The following DNAH14 variants were observed in gnomAD, a reference collection of about 807,000 sequenced individuals.
DNAH14 encodes axonemal beta dynein heavy chain 14.
In DNAH14, 478 loss-of-function variants were observed where a neutral mutation model predicts 520.9. The ratio of observed to expected loss-of-function variants is 0.92; its 90% CI spans 0.85 to 0.99. The LOEUF is 0.99. Among genes scored for constraint, DNAH14 ranks in the 50% least tolerant of loss-of-function variants. DNAH14 has a pLI of 0.00. For missense variants in DNAH14, 4,831 were observed against 5,234.5 expected (o/e 0.92, Z 2.38); for synonymous variants, 1,581 against 1,757.2 (o/e 0.90, Z 2.51).
chr1:225,199,476 G>C (rs899987535), intron 38 of DNAH14, among the ~76,000 whole-genome samples: 1 of 151,980 alleles, frequency 6.6e-6, no homozygotes, highest in Non-Finnish European at 1.5e-5. Context: ...AGTGTTTAGG[G>C]CTATGAACTT....
intron 1 of DNAH14, 76 bp downstream of exon 1, chr1:224,929,911 C>A: frequency 1.7e-6 from 1 of 591,734 alleles, no homozygotes; most frequent in South Asian, 2.0e-5. Context: ...CAGCCGGTGT[C>A]GCACTGGGAG....
At chr1:225,185,523 T>C in intron 37 of DNAH14, 98 bp downstream of exon 37, 1 of 1,228,610 alleles carries the variant, frequency 8.1e-7, no homozygotes, top group Non-Finnish European at 1.1e-6. Context: ...TTTCATTACT[T>C]ATTAAACTTA....
chr1:225,267,118 G>C (rs1165025564), intron 49 of DNAH14, among the ~76,000 whole-genome samples: 2 of 152,024 alleles, frequency 1.3e-5, no homozygotes, highest in Non-Finnish European at 2.9e-5. Context: ...AGAAAAGCCA[G>C]TGAAAATATG....
intron 8 of DNAH14, among the ~76,000 whole-genome samples, chr1:224,996,583 G>T (rs1258642768): frequency 6.6e-6 from 1 of 152,212 alleles, no homozygotes; most frequent in African/African-American, 2.4e-5. Flanking sequence ...CTGAGCTGCT[G>T]TCTTTAATCT....
intron 23 of DNAH14, among the ~76,000 whole-genome samples, chr1:225,114,854 G>A (rs1355156243): frequency 6.6e-6 from 1 of 152,178 alleles, no homozygotes; most frequent in Non-Finnish European, 1.5e-5. Flanking sequence ...GGGGGTGGGG[G>A]AAGGGTGGCT....
Position 225,206,022 on chromosome 1 carries a change from T to C in DNAH14, c.6029T>C (p.Val2010Ala). ...GATGGCCCAGTGGACACCTTTTGGG[T>C]AGAAAATCTGAACTCTGTGCTAGAT... Reference protein sequence around the residue: ...ILDGPVDTFWVENLNSVLDDT... With the variant: ...ILDGPVDTFWAENLNSVLDDT... Residue 2010 changes from valine to alanine, a missense_variant, in exon 40 of 86, where the codon GTA becomes GCA. Val to Ala is a moderately conservative substitution (Grantham distance 64). Coordinates refer to ENST00000682510, the MANE Select transcript of DNAH14 (RefSeq NM_001367479.1). 1 of 1,551,674 alleles carries C rather than the reference T, an allele frequency of 6.4e-7. No homozygotes were observed. Among genetic ancestry groups the C allele is most frequent in the Non-Finnish European group, 8.7e-7 (1 of 1,146,858 alleles).
chr1:225,349,947 G>C (rs1399907179), intron 71 of DNAH14, among the ~76,000 whole-genome samples: 1 of 152,100 alleles, frequency 6.6e-6, no homozygotes, highest in East Asian at 1.9e-4. Context: ...AGATCAACTG[G>C]ATCAAACAGA....
At chr1:225,090,614 G>A (rs193058839) in intron 21 of DNAH14, among the ~76,000 whole-genome samples, 1 of 152,116 alleles carries the variant, frequency 6.6e-6, no homozygotes, top group East Asian at 1.9e-4. Flanking sequence ...AGATAATTCA[G>A]AGAAAAAACA....
chr1:224,955,628 A>T (rs1558508835), intron 3 of DNAH14, among the ~76,000 whole-genome samples: 1 of 152,070 alleles, frequency 6.6e-6, no homozygotes, highest in Non-Finnish European at 1.5e-5. Context: ...CCTCACTTTT[A>T]TAAGCTTCCA....
chr1:224,970,696 C>T (rs919060268), intron 7 of DNAH14, among the ~76,000 whole-genome samples: 3 of 152,060 alleles, frequency 2.0e-5, no homozygotes, highest in East Asian at 1.9e-4. Flanking sequence ...GAATTTTGCC[C>T]GATACCTGGC....
chr1:225,170,556 C>G (rs2082518511), intron 36 of DNAH14, among the ~76,000 whole-genome samples: 1 of 152,158 alleles, frequency 6.6e-6, no homozygotes, highest in Non-Finnish European at 1.5e-5. Flanking sequence ...ATCAATACAA[C>G]AAGAAGACCT....
intron 8 of DNAH14, among the ~76,000 whole-genome samples, chr1:224,985,705 A>G (rs928257550): frequency 3.5e-5 from 5 of 144,472 alleles, no homozygotes; most frequent in Non-Finnish European, 7.4e-5. Flanking sequence ...TAAATTTAAC[A>G]ACAAATTGAA....
chr1:225,008,081 A>C (rs1194678645), intron 10 of DNAH14, among the ~76,000 whole-genome samples: 22 of 148,858 alleles, frequency 1.5e-4, no homozygotes, highest in Middle Eastern at 3.4e-3. Context: ...CCTTACCCCC[A>C]ACCCCGCGAC....
chr1:225,136,578 C>G (rs2078970415), intron 27 of DNAH14, among the ~76,000 whole-genome samples: 1 of 151,906 alleles, frequency 6.6e-6, no homozygotes, highest in Non-Finnish European at 1.5e-5. Flanking sequence ...CTCTGGTTGC[C>G]TTAATTTTTT....
At chr1:225,193,985 A>G (rs1384975392) in intron 38 of DNAH14, among the ~76,000 whole-genome samples, 1 of 152,146 alleles carries the variant, frequency 6.6e-6, no homozygotes, top group Admixed American at 6.6e-5. Flanking sequence ...GAATACATCT[A>G]ACCAAGGAGG....
chr1:225,202,338 TCA>T (rs1344114920), intron 38 of DNAH14, among the ~76,000 whole-genome samples: 1 of 152,128 alleles, frequency 6.6e-6, no homozygotes, highest in African/African-American at 2.4e-5. Flanking sequence ...GTGTCTGAGC[TCA>T]GACTCTCCTT....
At chr1:225,252,754 A>G (rs1340541907) in intron 44 of DNAH14, among the ~76,000 whole-genome samples, 2 of 152,172 alleles carry the variant, frequency 1.3e-5, no homozygotes, top group Admixed American at 6.5e-5. Flanking sequence ...TACTTGTAAA[A>G]TGTGAAAAAC....
chr1:225,174,012 C>G (rs958837965), intron 36 of DNAH14, among the ~76,000 whole-genome samples: 5 of 151,740 alleles, frequency 3.3e-5, no homozygotes, highest in South Asian at 2.1e-4. Context: ...ATCGCAAGGA[C>G]AAAAAACCAA....
At chr1:225,280,974 G>C (rs1247011641) in intron 54 of DNAH14, among the ~76,000 whole-genome samples, 3 of 152,286 alleles carry the variant, frequency 2.0e-5, no homozygotes, top group Non-Finnish European at 4.4e-5. Context: ...AAATTTTTAG[G>C]GTGAGGGTGA....
Sources: gnomAD v4.1 joint callset for allele counts (sites outside exome capture counted in the v4.1 genomes callset) on GRCh38, gnomAD v4.1.1 for gene constraint, MANE v1.5 for transcripts, NCBI Gene and HGNC (gene_info 2026-07-23, HGNC 2026-07-21) for gene names.